PATJ: variants seen among roughly 807,000 people sequenced by gnomAD.
PATJ encodes PATJ crumbs cell polarity complex component, also known as inaD-like protein.
In PATJ, 190 loss-of-function variants were observed where a neutral mutation model predicts 224.9. The observed-to-expected ratio is 0.84, with a 90% CI of 0.75 to 0.95. The LOEUF (loss-of-function observed/expected upper bound fraction) is 0.95, where lower values mean the gene tolerates loss of function less well. PATJ is among the 40% of genes least tolerant of loss of function. The pLI, the probability that PATJ is intolerant of heterozygous loss-of-function variation, is 0.00. For synonymous variants in PATJ, 769 were observed against 820.3 expected (o/e 0.94, Z 1.07); for missense variants, 2,121 against 2,270.3 (o/e 0.93, Z 1.34).
intron 14 of PATJ, among the ~76,000 whole-genome samples, chr1:61,809,157 T>TC (rs1442768197): frequency 2.6e-5 from 4 of 152,270 alleles, no homozygotes; most frequent in Non-Finnish European, 5.9e-5. Flanking sequence ...CAGTTTTTTT[T>TC]CCAACATTTT....
At chr1:61,765,380 C>T (rs958548379) in intron 3 of PATJ, among the ~76,000 whole-genome samples, 10 of 151,172 alleles carry the variant, frequency 6.6e-5, no homozygotes, top group Non-Finnish European at 1.5e-4. Context: ...CCCGGCCTAA[C>T]ATTTATTCTG....
At chr1:61,948,764 C>G (rs147204486) in intron 27 of PATJ, among the ~76,000 whole-genome samples, 20,536 of 152,044 alleles carry the variant, frequency 0.14, 1,868 homozygotes, top group Middle Eastern at 0.22. Flanking sequence ...CACTTGTACA[C>G]GTATGTTTAT....
intron 27 of PATJ, among the ~76,000 whole-genome samples, chr1:61,972,604 G>A (rs1031968827): frequency 1.3e-5 from 2 of 152,000 alleles, no homozygotes; most frequent in Admixed American, 6.5e-5. Context: ...ATTGGTTTGC[G>A]TGTTACTTTA....
chr1:62,048,668 C>T (rs1169936932), intron 30 of PATJ, among the ~76,000 whole-genome samples: 4 of 150,044 alleles, frequency 2.7e-5, no homozygotes, highest in Admixed American at 2.0e-4. Flanking sequence ...TACATATTAA[C>T]TCATTAATCT....
intron 41 of PATJ, among the ~76,000 whole-genome samples, chr1:62,138,984 T>C (rs985002974): frequency 2.0e-5 from 3 of 152,086 alleles, no homozygotes; most frequent in East Asian, 1.9e-4. Flanking sequence ...CTAGATGACA[T>C]TGGCTGCAAG....
At chr1:61,963,321 G>A (rs565949088) in intron 27 of PATJ, among the ~76,000 whole-genome samples, 2 of 152,284 alleles carry the variant, frequency 1.3e-5, no homozygotes, top group East Asian at 1.9e-4. Context: ...CAGCCTGGGC[G>A]TGGTGGCTCA....
At chr1:62,030,601 G>A (rs1251801429) in intron 29 of PATJ, among the ~76,000 whole-genome samples, 12 of 152,092 alleles carry the variant, frequency 7.9e-5, no homozygotes, top group African/African-American at 2.4e-5. Flanking sequence ...GCATACACCT[G>A]TGTAACCTCC....
intron 33 of PATJ, among the ~76,000 whole-genome samples, chr1:62,089,781 A>G (rs1660489973): frequency 6.6e-6 from 1 of 152,128 alleles, no homozygotes; most frequent in South Asian, 2.1e-4. Context: ...GCAGAAAGTT[A>G]GCAAACAAAG....
intron 28 of PATJ, among the ~76,000 whole-genome samples, chr1:62,013,970 C>T (rs976516983): frequency 2.0e-5 from 3 of 152,182 alleles, no homozygotes; most frequent in African/African-American, 4.8e-5. Context: ...GACAGGGTTT[C>T]GCCATGTTGG....
intron 20 of PATJ, among the ~76,000 whole-genome samples, chr1:61,869,029 T>C (rs527312998): frequency 2.6e-5 from 4 of 151,950 alleles, no homozygotes; most frequent in Non-Finnish European, 5.9e-5. Flanking sequence ...AAAAAGCTTC[T>C]ATGAGAAGAA....
chr1:62,127,794 C>T (rs1271131343), intron 39 of PATJ, among the ~76,000 whole-genome samples, 178 bp from the exon 40 acceptor site: 3 of 151,192 alleles, frequency 2.0e-5, no homozygotes, highest in Non-Finnish European at 2.9e-5. Flanking sequence ...ATAACAAGAG[C>T]GAAACTGAAA....
rs186138732 is a variant in PATJ, at chr1:61,831,526, G to A, written c.1981-2128G>A. 2.7e-3 allele frequency among the ~76,000 whole-genome samples: 412 copies of A among 152,226 alleles called. 6 individuals carry two copies. Among genetic ancestry groups the A allele is most frequent in the African/African-American group, 8.3e-3 (343 of 41,544 alleles). Reference sequence around the variant, plus strand: ...CCATTAAAAAATGGGCAAAGGACACGTCGCACACTTCTCAAAAGAAGACAT... The same window carrying A: ...CCATTAAAAAATGGGCAAAGGACACATCGCACACTTCTCAAAAGAAGACAT... On this transcript the variant is annotated intron_variant, in intron 16 of 43. Transcript: ENST00000642238.
intron 7 of PATJ, among the ~76,000 whole-genome samples, chr1:61,787,331 A>T (rs1648771100): frequency 6.6e-6 from 1 of 152,116 alleles, no homozygotes; most frequent in South Asian, 2.1e-4. Context: ...TTGTAGCCGC[A>T]CTGGCATCTT....
intron 27 of PATJ, among the ~76,000 whole-genome samples, chr1:61,982,917 A>G (rs899201101): frequency 6.6e-6 from 1 of 151,994 alleles, no homozygotes; most frequent in South Asian, 2.1e-4. Flanking sequence ...ACTGGCAAAA[A>G]TCACAATTAC....
chr1:61,814,902 A>G lies in PATJ; in HGVS notation c.1683+6372A>G, dbSNP rs566436960. 4.6e-5 allele frequency among the ~76,000 whole-genome samples: 7 copies of G among 152,290 alleles called. No individual in the cohort carries two copies. In the South Asian group the frequency reaches 1.2e-3, roughly 27 times the overall value. On this transcript the variant is annotated intron_variant, in intron 14 of 43. Coordinates refer to ENST00000642238, the MANE Select transcript of PATJ (RefSeq NM_001350145.3). Reference sequence around the variant, plus strand: ...GTGGTAGCTTAGAATGCATTCATCCATTCCTGAACTATTTACTGAGCTCCT... The same window carrying G: ...GTGGTAGCTTAGAATGCATTCATCCGTTCCTGAACTATTTACTGAGCTCCT...
chr1:61,888,751 T>A (rs752921178), intron 22 of PATJ, among the ~76,000 whole-genome samples: 7 of 152,182 alleles, frequency 4.6e-5, no homozygotes, highest in Non-Finnish European at 8.8e-5. Flanking sequence ...AAGTGGAGCA[T>A]CAGTTGTTCT....
At chr1:61,799,537 A>G (rs909034120) in intron 11 of PATJ, among the ~76,000 whole-genome samples, 1 of 152,194 alleles carries the variant, frequency 6.6e-6, no homozygotes, top group African/African-American at 2.4e-5. Context: ...AAATATTTAT[A>G]TAAATGTTTT....
Position 61,790,766 on chromosome 1 carries a change from A to G in PATJ, c.1069-582A>G, listed in dbSNP as rs564876301. ...TGACCTCAGGTGATCCACCCACCTC[A>G]GCCTCCCAAAGTGCTGGGATTAGAG... On this transcript the variant is annotated intron_variant, in intron 8 of 43. Transcript: ENST00000642238. Among the ~76,000 whole-genome samples, 4 of 151,964 alleles carry G rather than the reference A, an allele frequency of 2.6e-5. No individual in the cohort carries two copies. The South Asian group carries it at 8.3e-4, about 32-fold the overall frequency.
chr1:61,861,159 TTCTTTTTA>T (rs1664470117), intron 18 of PATJ, among the ~76,000 whole-genome samples: 1 of 151,256 alleles, frequency 6.6e-6, no homozygotes, highest in Admixed American at 6.6e-5. Flanking sequence ...GAATATGGAG[TTCTTTTTA>T]GTTATTAAAG....
Sources: gnomAD v4.1 joint callset for allele counts (sites outside exome capture counted in the v4.1 genomes callset) on GRCh38, gnomAD v4.1.1 for gene constraint, MANE v1.5 for transcripts, NCBI Gene and HGNC (gene_info 2026-07-23, HGNC 2026-07-21) for gene names.